Variants in PSPC1 observed in about 807,000 individuals in gnomAD.
PSPC1 encodes the protein paraspeckle protein 1.
A neutral mutation model predicts 51.6 loss-of-function variants in PSPC1; 14 were observed. The ratio of observed to expected loss-of-function variants is 0.27; its 90% CI spans 0.18 to 0.42. PSPC1 has a LOEUF of 0.42. Ranked by LOEUF, PSPC1 falls within the 10% of genes least tolerant of loss-of-function variation. The pLI, the probability that PSPC1 is intolerant of heterozygous loss-of-function variation, is 1.00. For synonymous variants in PSPC1, 193 were observed against 231.9 expected, an observed-to-expected ratio of 0.83 and a Z score of 1.53; for missense variants, 406 against 701.1, an observed-to-expected ratio of 0.58 and a Z score of 4.75.
chr13:19,700,619 A>G (rs1342763992), downstream of PSPC1, among the ~76,000 whole-genome samples: 2 of 152,128 alleles, frequency 1.3e-5, no homozygotes, highest in Non-Finnish European at 2.9e-5. Flanking sequence ...GAATAAAACT[A>G]TTAGGAAAAC....
At chr13:19,690,840 G>T (rs934008412) in intron 6 of PSPC1, among the ~76,000 whole-genome samples, 2 of 152,078 alleles carry the variant, frequency 1.3e-5, no homozygotes, top group Admixed American at 6.5e-5. Flanking sequence ...TTCTACCAAC[G>T]TCTATTAAGA....
chr13:19,741,888 T>G (rs982809982), intron 4 of PSPC1, among the ~76,000 whole-genome samples: 17 of 152,184 alleles, frequency 1.1e-4, no homozygotes, highest in Admixed American at 2.0e-4. Flanking sequence ...TCCCAGTAAT[T>G]TGGGAGGCCA....
chr13:19,742,258 C>A (rs1332007409), intron 4 of PSPC1, among the ~76,000 whole-genome samples: 6 of 61,486 alleles, frequency 9.8e-5, no homozygotes, highest in Admixed American at 2.2e-4. Flanking sequence ...ATGACTCAAT[C>A]TCAAAAAAAA....
At chr13:19,745,992 T>C (rs1885932958) in intron 4 of PSPC1, among the ~76,000 whole-genome samples, 1 of 151,120 alleles carries the variant, frequency 6.6e-6, no homozygotes. Flanking sequence ...CACAGCAACA[T>C]ATTTGTTTTG....
intron 6 of PSPC1, among the ~76,000 whole-genome samples, chr13:19,710,789 T>C (rs981601872): frequency 1.3e-5 from 2 of 152,012 alleles, no homozygotes; most frequent in African/African-American, 4.8e-5. Flanking sequence ...AGAGATAAAA[T>C]GCTTTCTCAC....
intron 6 of PSPC1, among the ~76,000 whole-genome samples, chr13:19,690,822 G>A (rs771860542): frequency 2.9e-4 from 44 of 152,008 alleles, no homozygotes; most frequent in Non-Finnish European, 6.5e-4. Flanking sequence ...CTTTAGACAG[G>A]GTACATATTC....
At chr13:19,770,305 CG>C (rs1393043730) in intron 2 of PSPC1, among the ~76,000 whole-genome samples, 4 of 152,088 alleles carry the variant, frequency 2.6e-5, no homozygotes, top group African/African-American at 7.2e-5. Context: ...TGTGGGGTAA[CG>C]GAAGTGTTCT....
At chr13:19,740,642 C>T (rs978190512) in intron 5 of PSPC1, among the ~76,000 whole-genome samples, 1 of 152,108 alleles carries the variant, frequency 6.6e-6, no homozygotes, top group Non-Finnish European at 1.5e-5. Flanking sequence ...TATTTCCTAA[C>T]TAGTATGATT....
At chr13:19,690,015 T>A (rs1013734166) in intron 6 of PSPC1, among the ~76,000 whole-genome samples, 6 of 152,256 alleles carry the variant, frequency 3.9e-5, no homozygotes, top group African/African-American at 1.4e-4. Context: ...AGTATCTGAG[T>A]AACTATCCAC....
intron 2 of PSPC1, among the ~76,000 whole-genome samples, chr13:19,768,572 C>T (rs1456744205): frequency 6.7e-6 from 1 of 150,268 alleles, no homozygotes; most frequent in African/African-American, 2.5e-5. Flanking sequence ...GGCGTGAACC[C>T]GGGAGGCAGA....
At chr13:19,730,192 A>T in intron 6 of PSPC1, 47 bp downstream of exon 6, 4 of 1,536,180 alleles carry the variant, frequency 2.6e-6, no homozygotes, top group Non-Finnish European at 2.7e-6. Context: ...TATGCATCAT[A>T]AACCTGAAAA....
chr13:19,722,085 A>G (rs1225054921), intron 6 of PSPC1, among the ~76,000 whole-genome samples: 1 of 152,258 alleles, frequency 6.6e-6, no homozygotes, highest in Non-Finnish European at 1.5e-5. Context: ...CTAAGTAACT[A>G]TAATATGACA....
chr13:19,722,183 TATAAAGA>T (rs1882850532), intron 6 of PSPC1, among the ~76,000 whole-genome samples: 2 of 152,094 alleles, frequency 1.3e-5, no homozygotes, highest in Non-Finnish European at 2.9e-5. Flanking sequence ...ACTTGGTAAA[TATAAAGA>T]ATAAACTATA....
At position 19,782,724 on chromosome 13, in the gene PSPC1, T is replaced by C; in HGVS notation, c.34A>G (p.Ile12Val). ...MLRGNLKQVRIEKNPARLRAL... is the reference protein window; with the variant it reads ...MLRGNLKQVRVEKNPARLRAL... ...CGAAGGCGGGCCGGGTTTTTCTCAA[T>C]GCGCACTTGCTTCAGGTTTCCTCTT... Residue 12 changes from isoleucine to valine, a missense_variant, in exon 1 of 9, where the codon ATT becomes GTT. This residue lies in a region of PSPC1 where 128 missense variants were observed against 107.1 expected (regional missense o/e 1.20). Coordinates refer to ENST00000338910, the MANE Select transcript of PSPC1 (RefSeq NM_001354909.2). The surrounding 1 kb of genome is among the most constrained non-coding windows in gnomAD (Gnocchi z 4.5). 2 of 1,568,714 alleles carry C rather than the reference T, an allele frequency of 1.3e-6. No individual in the cohort carries two copies. Among genetic ancestry groups the C allele is most frequent in the Non-Finnish European group, 1.7e-6 (2 of 1,169,128 alleles).
intron 4 of PSPC1, among the ~76,000 whole-genome samples, chr13:19,749,830 A>G (rs1311204074): frequency 6.6e-6 from 1 of 152,056 alleles, no homozygotes; most frequent in Admixed American, 6.6e-5. Context: ...ACTCTAAGAT[A>G]TAAATGAATT....
intron 1 of PSPC1, among the ~76,000 whole-genome samples, chr13:19,778,545 CTGGTTTTGG>C (rs1889475110): frequency 7.3e-6 from 1 of 136,762 alleles, no homozygotes; most frequent in Admixed American, 7.5e-5. Context: ...CCACGCCTGA[CTGGTTTTGG>C]TGGAGACGGG....
intron 2 of PSPC1, among the ~76,000 whole-genome samples, chr13:19,767,882 C>T (rs1232051826): frequency 6.6e-6 from 1 of 152,086 alleles, no homozygotes; most frequent in African/African-American, 2.4e-5. Flanking sequence ...ATTTGGACTT[C>T]ATAAAATATA....
At chr13:19,686,167 GTC>G (rs1415502358) in intron 6 of PSPC1, among the ~76,000 whole-genome samples, 1 of 152,138 alleles carries the variant, frequency 6.6e-6, no homozygotes, top group Non-Finnish European at 1.5e-5. Context: ...CCTAGGCAAA[GTC>G]TCTCCGCTGA....
At chr13:19,717,497 G>A (rs2137827829) in intron 6 of PSPC1, among the ~76,000 whole-genome samples, 1 of 151,970 alleles carries the variant, frequency 6.6e-6, no homozygotes, top group South Asian at 2.1e-4. Flanking sequence ...CCTGAGGTCA[G>A]GAGTTTGAGA....
Sources: allele counts gnomAD v4.1 joint callset (sites outside exome capture counted in the v4.1 genomes callset), GRCh38; gene constraint gnomAD v4.1.1; regional missense constraint gnomAD v4.1.1; non-coding constraint Gnocchi (gnomAD v3.1); transcripts MANE v1.5; gene names NCBI Gene and HGNC (gene_info 2026-07-23, HGNC 2026-07-21).